The following RPS6KA5 variants were observed in gnomAD, a reference collection of about 807,000 sequenced individuals.
RPS6KA5 encodes the protein ribosomal protein S6 kinase alpha-5.
RPS6KA5 carries 27 observed loss-of-function variants against 85.5 expected under a neutral mutation model. That is an observed-to-expected ratio of 0.32 (90% confidence interval 0.23 to 0.44). RPS6KA5 has a LOEUF of 0.44. Among genes scored for constraint, RPS6KA5 ranks in the 20% least tolerant of loss-of-function variants. The probability of loss-of-function intolerance (pLI) is 1.00; values close to 1 mark genes in which losing one functional copy is unlikely to be tolerated. For missense variants in RPS6KA5, 811 were observed against 980.9 expected (o/e 0.83, Z 2.31); for synonymous variants, 334 against 348.2 (o/e 0.96, Z 0.46).
chr14:91,044,184 G>C (rs950343211), intron 1 of RPS6KA5, among the ~76,000 whole-genome samples: 5 of 150,958 alleles, frequency 3.3e-5, no homozygotes, highest in Admixed American at 6.6e-5. Context: ...TCGAGATCGC[G>C]CCATTGCACT....
chr14:91,042,465 C>T (rs752184577), intron 1 of RPS6KA5, among the ~76,000 whole-genome samples: 19 of 151,942 alleles, frequency 1.3e-4, no homozygotes, highest in Non-Finnish European at 2.5e-4. Flanking sequence ...GAGCTGAGAT[C>T]GCACCACCGC....
chr14:91,015,334 T>A (rs1045561142), intron 1 of RPS6KA5, among the ~76,000 whole-genome samples: 2 of 152,160 alleles, frequency 1.3e-5, no homozygotes, highest in African/African-American at 2.4e-5. Flanking sequence ...AAGTCTTGCT[T>A]CAGTATTTTT....
chr14:90,983,787 T>TTCTCTCTCTCTCTCTC (rs770148887), intron 2 of RPS6KA5, among the ~76,000 whole-genome samples: 8 of 129,322 alleles, frequency 6.2e-5, no homozygotes, highest in Non-Finnish European at 1.3e-4. Flanking sequence ...CTTTCTTTCT[T>TTCTCTCTCTCTCTCTC]TCTCTCTCTC....
intron 13 of RPS6KA5, among the ~76,000 whole-genome samples, chr14:90,893,559 T>C (rs545919817): frequency 1.3e-5 from 2 of 152,222 alleles, no homozygotes; most frequent in East Asian, 1.9e-4. Context: ...TTTAGAGAAA[T>C]AATCTTTTGT....
chr14:90,983,837 CTCTTTCTTTTTT>C (rs1368224980), intron 2 of RPS6KA5, among the ~76,000 whole-genome samples: 13 of 137,778 alleles, frequency 9.4e-5, no homozygotes, highest in African/African-American at 2.8e-4. Flanking sequence ...CTCTCTCTCT[CTCTTTCTTTTTT>C]TCTTTCTTTC....
chr14:90,919,787 G>C (rs952378743), intron 7 of RPS6KA5, among the ~76,000 whole-genome samples: 3 of 152,116 alleles, frequency 2.0e-5, no homozygotes, highest in Admixed American at 1.3e-4. Context: ...TACGATATTT[G>C]TTTCTATTGA....
intron 5 of RPS6KA5, among the ~76,000 whole-genome samples, chr14:90,925,278 C>T (rs961648506): frequency 2.0e-5 from 3 of 152,170 alleles, no homozygotes; most frequent in Non-Finnish European, 4.4e-5. Context: ...ATGAGGCTGT[C>T]AGCTCAAATG....
chr14:91,031,575 A>G (rs1448773855), intron 1 of RPS6KA5, among the ~76,000 whole-genome samples: 2 of 152,196 alleles, frequency 1.3e-5, no homozygotes, highest in African/African-American at 4.8e-5. Flanking sequence ...CTCATGGGTT[A>G]TCTAACCTAT....
intron 2 of RPS6KA5, among the ~76,000 whole-genome samples, chr14:90,986,461 AAAT>A (rs1384041835): frequency 6.6e-6 from 1 of 152,176 alleles, no homozygotes; most frequent in African/African-American, 2.4e-5. Flanking sequence ...TAAAAAAAAA[AAAT>A]ACGTTAAAAT....
intron 2 of RPS6KA5, among the ~76,000 whole-genome samples, chr14:90,980,277 T>C (rs2039736553): frequency 6.6e-6 from 1 of 152,238 alleles, no homozygotes; most frequent in South Asian, 2.1e-4. Context: ...CAAGCAGCCC[T>C]GAAACTTCTG....
At chr14:90,910,558 C>T (rs78184808) in intron 7 of RPS6KA5, among the ~76,000 whole-genome samples, 3,164 of 144,826 alleles carry the variant, frequency 0.022, 47 homozygotes, top group Middle Eastern at 0.034. Context: ...AAGCTTTGTA[C>T]ATGTGTTTTT....
rs1459807295 is a variant in RPS6KA5, at chr14:90,859,277, A to G, written c.*12797T>C. On this transcript the variant is annotated 3_prime_UTR_variant, in exon 17 of 17. Coordinates refer to ENST00000614987, the MANE Select transcript of RPS6KA5 (RefSeq NM_004755.4). ...AACATAACCATCTTAGAGGAAGATA[A>G]CATCGTTCAAAGCCCCTACAGTATT... The G allele has an allele frequency of 1.3e-5, 2 of 152,350 alleles. No individual in the cohort carries two copies. Among genetic ancestry groups the G allele is most frequent in the East Asian group, 3.9e-4 (2 of 5,194 alleles). 9.4% of individuals were successfully genotyped at this position (152,350 alleles called of 1,614,324 possible). A position where few individuals can be genotyped will look rare whatever the true frequency, so the allele number is the denominator to read the frequency against.
At chr14:90,934,058 T>C (rs2037133262) in intron 5 of RPS6KA5, among the ~76,000 whole-genome samples, 1 of 152,212 alleles carries the variant, frequency 6.6e-6, no homozygotes. Context: ...TGTTCCCTAC[T>C]ATACTTGTCT....
chr14:91,041,416 T>C (rs558245684), intron 1 of RPS6KA5, among the ~76,000 whole-genome samples: 4 of 152,370 alleles, frequency 2.6e-5, no homozygotes, highest in Non-Finnish European at 4.4e-5. Context: ...TTCTGCTATT[T>C]GAGATTATTT....
At chr14:91,020,756 T>C (rs1278513407) in intron 1 of RPS6KA5, among the ~76,000 whole-genome samples, 4 of 33,206 alleles carry the variant, frequency 1.2e-4, no homozygotes, top group Non-Finnish European at 2.0e-4. Flanking sequence ...CAGTATATAA[T>C]CAAGTATATA....
intron 1 of RPS6KA5, among the ~76,000 whole-genome samples, chr14:91,045,484 G>A (rs1234342207): frequency 3.3e-5 from 5 of 152,066 alleles, no homozygotes; most frequent in Non-Finnish European, 5.9e-5. Context: ...GGCTGGTCTC[G>A]AATCTCTGAC....
chr14:90,995,112 C>A (rs1464329635), intron 2 of RPS6KA5, among the ~76,000 whole-genome samples: 1 of 151,986 alleles, frequency 6.6e-6, no homozygotes, highest in Non-Finnish European at 1.5e-5. Context: ...GCAACCTCCA[C>A]CTCCCAGATT....
At chr14:90,989,304 T>C (rs1378822392) in intron 2 of RPS6KA5, among the ~76,000 whole-genome samples, 1 of 152,226 alleles carries the variant, frequency 6.6e-6, no homozygotes, top group African/African-American at 2.4e-5. Context: ...AGTGTCAAGA[T>C]GCAAACTTGA....
intron 1 of RPS6KA5, among the ~76,000 whole-genome samples, chr14:91,039,462 T>C (rs1035199430): frequency 2.0e-5 from 3 of 152,156 alleles, no homozygotes; most frequent in Non-Finnish European, 2.9e-5. Context: ...GAGGAACATA[T>C]GGAATGCCCC....
Sources: gnomAD v4.1 joint callset for allele counts (sites outside exome capture counted in the v4.1 genomes callset) on GRCh38, gnomAD v4.1.1 for gene constraint, MANE v1.5 for transcripts, NCBI Gene and HGNC (gene_info 2026-07-23, HGNC 2026-07-21) for gene names.